Variants in PLPP1 observed in about 807,000 individuals in gnomAD.
PLPP1 encodes lipid phosphate phosphohydrolase 1a.
Under a neutral mutation model 31.2 loss-of-function variants are expected in PLPP1, and 24 were observed. The ratio of observed to expected loss-of-function variants is 0.77; its 90% CI spans 0.56 to 1.08. PLPP1 has a LOEUF of 1.08. PLPP1 is among the 50% of genes least tolerant of loss of function. PLPP1 has a pLI of 0.00. For missense variants in PLPP1, 319 were observed against 342.7 expected, an observed-to-expected ratio of 0.93 and a Z score of 0.55; for synonymous variants, 146 against 126.3, an observed-to-expected ratio of 1.16 and a Z score of -1.05.
intron 1 of PLPP1, among the ~76,000 whole-genome samples, chr5:55,490,134 CTTTT>C (rs1752855857): frequency 7.1e-6 from 1 of 140,106 alleles, no homozygotes; most frequent in Non-Finnish European, 1.5e-5. Flanking sequence ...GAAATAGTGA[CTTTT>C]CTTTTCTTTT....
chr5:55,495,116 A>C (rs1322803738), intron 1 of PLPP1, among the ~76,000 whole-genome samples: 3 of 143,074 alleles, frequency 2.1e-5, no homozygotes, highest in African/African-American at 7.8e-5. Context: ...GGGCAACAAG[A>C]GCAAAACTCT....
intron 3 of PLPP1, among the ~76,000 whole-genome samples, chr5:55,464,973 C>T (rs1318873104): frequency 2.6e-5 from 4 of 151,680 alleles, no homozygotes; most frequent in Admixed American, 1.3e-4. Flanking sequence ...AAGAGTAGTT[C>T]GACTAGTATC....
At chr5:55,437,511 T>C (rs1253933152) in intron 4 of PLPP1, among the ~76,000 whole-genome samples, 1 of 151,324 alleles carries the variant, frequency 6.6e-6, no homozygotes, top group Non-Finnish European at 1.5e-5. Context: ...ATATTTATTA[T>C]CTGACCTTTC....
rs33982765 is a variant in PLPP1 at position 55,457,888 on chromosome 5, C to CAAA, written c.491+9978_491+9980dup. On this transcript the variant is annotated intron_variant, in intron 3 of 5. Coordinates refer to ENST00000307259, the MANE Select transcript of PLPP1 (RefSeq NM_003711.4). ...TGGGTGACACAGCGAGACTCTGTCTCAAAAAAAAAAAAAAATCATTTACAA... is the reference window on the plus strand; with the variant it reads ...TGGGTGACACAGCGAGACTCTGTCTCAAAAAAAAAAAAAAAAAATCATTTACAA... 1.2e-3 allele frequency among the ~76,000 whole-genome samples: 168 copies of CAAA among 143,232 alleles called. 3 individuals are homozygous for CAAA. The highest frequency in any genetic ancestry group is 3.7e-3 in the African/African-American group (142 of 38,672). The allele number at this position is 143,232 out of a possible 152,430, so 94.0% of individuals were successfully genotyped here. A position where few individuals can be genotyped will look rare whatever the true frequency, so the allele number is the denominator to read the frequency against.
intron 3 of PLPP1, among the ~76,000 whole-genome samples, chr5:55,452,060 C>T (rs1007992227): frequency 4.6e-5 from 7 of 152,182 alleles, no homozygotes; most frequent in African/African-American, 1.4e-4. Flanking sequence ...CTAGAACAAA[C>T]TGTTGAGCAA....
At chr5:55,511,489 G>A (rs1753406587) in intron 1 of PLPP1, among the ~76,000 whole-genome samples, 1 of 151,298 alleles carries the variant, frequency 6.6e-6, no homozygotes, top group Non-Finnish European at 1.5e-5. Flanking sequence ...TTTAAAGCAT[G>A]GGTTTAAAAA....
intron 3 of PLPP1, among the ~76,000 whole-genome samples, chr5:55,447,935 C>T (rs908901501): frequency 5.9e-5 from 9 of 152,186 alleles, no homozygotes; most frequent in Admixed American, 3.9e-4. Context: ...CAAACCATAA[C>T]GAGGCATTTT....
At chr5:55,530,831 A>C in intron 1 of PLPP1, 1 of 1,270,094 alleles carries the variant, frequency 7.9e-7, no homozygotes, top group East Asian at 2.3e-5. Flanking sequence ...ACCTCCTGAC[A>C]GACGGGGCAG....
At chr5:55,432,499 A>C (rs1751382360) in intron 4 of PLPP1, among the ~76,000 whole-genome samples, 2 of 152,162 alleles carry the variant, frequency 1.3e-5, no homozygotes, top group Admixed American at 1.3e-4. Context: ...ATTCCAAAAA[A>C]TTGAAGGGAA....
At chr5:55,443,036 C>T (rs1329233846) in intron 3 of PLPP1, among the ~76,000 whole-genome samples, 3 of 151,608 alleles carry the variant, frequency 2.0e-5, no homozygotes, top group Non-Finnish European at 4.4e-5. Flanking sequence ...TTACTTATTA[C>T]ACTCTGCCTT....
At chr5:55,442,319 A>T (rs1316679105) in intron 3 of PLPP1, among the ~76,000 whole-genome samples, 1 of 152,128 alleles carries the variant, frequency 6.6e-6, no homozygotes, top group Non-Finnish European at 1.5e-5. Flanking sequence ...CCTCCTTGGG[A>T]ACACTCAGAA....
At chr5:55,524,924 G>A (rs935650115) in intron 1 of PLPP1, among the ~76,000 whole-genome samples, 6 of 152,116 alleles carry the variant, frequency 3.9e-5, no homozygotes, top group African/African-American at 1.4e-4. Context: ...CCACTTTCTG[G>A]AGTAAGCTGA....
intron 1 of PLPP1, among the ~76,000 whole-genome samples, chr5:55,509,930 G>T (rs896732535): frequency 1.3e-5 from 2 of 152,112 alleles, no homozygotes; most frequent in East Asian, 3.8e-4. Flanking sequence ...AGATGGCAAA[G>T]GTCACAATCA....
At chr5:55,445,238 T>C (rs1458038475) in intron 3 of PLPP1, among the ~76,000 whole-genome samples, 3 of 152,174 alleles carry the variant, frequency 2.0e-5, no homozygotes, top group Non-Finnish European at 4.4e-5. Flanking sequence ...CTGAGCATTC[T>C]TCTATCTCTG....
chr5:55,473,765 C>A (rs1752472335), intron 2 of PLPP1, among the ~76,000 whole-genome samples: 1 of 152,068 alleles, frequency 6.6e-6, no homozygotes, highest in Non-Finnish European at 1.5e-5. Context: ...TGAAAGGATC[C>A]TCCTGCTTCA....
intron 1 of PLPP1, among the ~76,000 whole-genome samples, chr5:55,515,270 T>A (rs1753531515): frequency 6.6e-6 from 1 of 152,220 alleles, no homozygotes; most frequent in Non-Finnish European, 1.5e-5. Flanking sequence ...CTGGCAAGAT[T>A]CTTCTTCCTT....
chr5:55,429,338 T>A (rs191970678), intron 4 of PLPP1, among the ~76,000 whole-genome samples: 3 of 151,718 alleles, frequency 2.0e-5, no homozygotes, highest in African/African-American at 7.3e-5. Flanking sequence ...TTTGAATAGA[T>A]CACCTAAGAG....
intron 2 of PLPP1, among the ~76,000 whole-genome samples, chr5:55,468,466 C>T (rs1752352044): frequency 6.6e-6 from 1 of 151,888 alleles, no homozygotes; most frequent in South Asian, 2.1e-4. Context: ...AAAAAGTAGA[C>T]AGTGATATAT....
chr5:55,479,736 A>C (rs1324859987), intron 1 of PLPP1, among the ~76,000 whole-genome samples: 1 of 152,210 alleles, frequency 6.6e-6, no homozygotes, highest in Non-Finnish European at 1.5e-5. Flanking sequence ...CTTTTCAACA[A>C]AGCCCAATTT....
Sources: allele counts gnomAD v4.1 joint callset (sites outside exome capture counted in the v4.1 genomes callset), GRCh38; gene constraint gnomAD v4.1.1; transcripts MANE v1.5; gene names NCBI Gene and HGNC (gene_info 2026-07-23, HGNC 2026-07-21).